The following RBFOX1 variants were observed in gnomAD, a reference collection of about 807,000 sequenced individuals.
RBFOX1 encodes RNA binding protein fox-1 homolog 1.
Under a neutral mutation model 57.7 loss-of-function variants are expected in RBFOX1, and 8 were observed. The observed-to-expected ratio is 0.14, with a 90% CI of 0.08 to 0.25. The LOEUF is 0.25. Among genes scored for constraint, RBFOX1 ranks in the 10% least tolerant of loss-of-function variants. The pLI is 1.00. For missense variants in RBFOX1, 611 were observed against 548.5 expected, an observed-to-expected ratio of 1.11 and a Z score of -1.14; for synonymous variants, 326 against 222.4, an observed-to-expected ratio of 1.47 and a Z score of -4.15.
chr16:5,959,537 A>G lies in RBFOX1; in HGVS notation c.351+92202A>G, dbSNP rs9929507. On this transcript the variant is annotated intron_variant, in intron 4 of 19. Transcript: ENST00000641259. Reference sequence around the variant, plus strand: ...TGGGGTAAGAAAAAAGGAAATTTGTATAAAAGTCCAAAACAGAATTTCTTT... The same window carrying G: ...TGGGGTAAGAAAAAAGGAAATTTGTGTAAAAGTCCAAAACAGAATTTCTTT... Among the ~76,000 whole-genome samples, 833 of 152,336 alleles carry G rather than the reference A, an allele frequency of 5.5e-3. 5 individuals are homozygous for G. Among genetic ancestry groups the G allele is most frequent in the African/African-American group, 0.018 (748 of 41,572 alleles).
chr16:6,265,567 G>T (rs1184305467), intron 1 of RBFOX1, among the ~76,000 whole-genome samples: 2 of 152,124 alleles, frequency 1.3e-5, no homozygotes, highest in African/African-American at 4.8e-5. Flanking sequence ...CGGCCAGTTT[G>T]ACATTTTGCA....
intron 4 of RBFOX1, among the ~76,000 whole-genome samples, chr16:7,464,115 T>C (rs1049957515): frequency 1.3e-5 from 2 of 152,142 alleles, no homozygotes; most frequent in Non-Finnish European, 1.5e-5. Flanking sequence ...ACATTGCCAC[T>C]CCCTTCTGGT....
intron 4 of RBFOX1, among the ~76,000 whole-genome samples, chr16:7,198,831 T>C (rs2087490465): frequency 6.6e-6 from 1 of 152,182 alleles, no homozygotes; most frequent in Non-Finnish European, 1.5e-5. Flanking sequence ...CACATGGACT[T>C]TGGGGGACAC....
intron 4 of RBFOX1, among the ~76,000 whole-genome samples, chr16:7,346,521 C>G (rs897299435): frequency 6.6e-6 from 1 of 151,966 alleles, no homozygotes; most frequent in African/African-American, 2.4e-5. Flanking sequence ...CTCCCAAGCA[C>G]AGATGTTACC....
chr16:6,641,344 G>A (rs908305029), intron 2 of RBFOX1, among the ~76,000 whole-genome samples: 3 of 152,014 alleles, frequency 2.0e-5, no homozygotes, highest in African/African-American at 7.2e-5. Context: ...CCCTCCCAAC[G>A]CTGACATCTG....
intron 4 of RBFOX1, among the ~76,000 whole-genome samples, chr16:5,970,987 C>G (rs983913050): frequency 3.9e-5 from 6 of 152,226 alleles, no homozygotes; most frequent in African/African-American, 1.4e-4. Flanking sequence ...TCTCATTCCA[C>G]AAGGAGACAT....
intron 3 of RBFOX1, among the ~76,000 whole-genome samples, chr16:5,678,609 G>C (rs541173590): frequency 6.6e-6 from 1 of 152,264 alleles, no homozygotes; most frequent in South Asian, 2.1e-4. Context: ...CTGGGTGCTT[G>C]AGCCCGTCCC....
At chr16:7,454,429 C>T (rs2058065788) in intron 4 of RBFOX1, among the ~76,000 whole-genome samples, 1 of 152,194 alleles carries the variant, frequency 6.6e-6, no homozygotes, top group Non-Finnish European at 1.5e-5. Flanking sequence ...AAGTCAAACT[C>T]GTGTTCTAGC....
chr16:7,330,263 T>A (rs2096666930), intron 4 of RBFOX1, among the ~76,000 whole-genome samples: 1 of 152,122 alleles, frequency 6.6e-6, no homozygotes, highest in Non-Finnish European at 1.5e-5. Flanking sequence ...ACATATTAAA[T>A]CGTCTTTAGA....
At chr16:7,387,101 G>A (rs1430608386) in intron 4 of RBFOX1, among the ~76,000 whole-genome samples, 1 of 151,976 alleles carries the variant, frequency 6.6e-6, no homozygotes, top group Non-Finnish European at 1.5e-5. Flanking sequence ...TTTGTTTAAT[G>A]TATTTGTAGA....
At chr16:5,768,645 A>G (rs546930233) in intron 3 of RBFOX1, among the ~76,000 whole-genome samples, 3 of 152,254 alleles carry the variant, frequency 2.0e-5, no homozygotes, top group Admixed American at 2.0e-4. Flanking sequence ...TCTTCTGTGC[A>G]TTCCTCTTGC....
intron 2 of RBFOX1, among the ~76,000 whole-genome samples, chr16:6,321,622 C>T (rs947697049): frequency 1.3e-5 from 2 of 152,158 alleles, no homozygotes; most frequent in African/African-American, 2.4e-5. Context: ...ATTTCCATGG[C>T]ATCTACTGTA....
chr16:7,233,260 T>A (rs1198981272), intron 4 of RBFOX1, among the ~76,000 whole-genome samples: 1 of 152,070 alleles, frequency 6.6e-6, no homozygotes, highest in Non-Finnish European at 1.5e-5. Flanking sequence ...CTTTGACTGT[T>A]TCTAAGCTGG....
At chr16:5,795,048 G>A (rs1334316074) in intron 3 of RBFOX1, among the ~76,000 whole-genome samples, 4 of 152,118 alleles carry the variant, frequency 2.6e-5, no homozygotes, top group African/African-American at 9.7e-5. Flanking sequence ...TATGACTTTG[G>A]CCAAGCTGCT....
intron 3 of RBFOX1, among the ~76,000 whole-genome samples, chr16:5,641,055 T>A (rs1279201769): frequency 7.7e-6 from 1 of 130,716 alleles, no homozygotes; most frequent in African/African-American, 3.0e-5. Flanking sequence ...CATATGCACA[T>A]ACACCCATGC....
At chr16:5,542,837 A>C (rs60261880) in intron 2 of RBFOX1, among the ~76,000 whole-genome samples, 1 of 152,054 alleles carries the variant, frequency 6.6e-6, no homozygotes, top group Non-Finnish European at 1.5e-5. Context: ...CTAAGGTTCA[A>C]TGTCCACTCA....
In RBFOX1 at chr16:6,526,857, A is replaced by AAAAAAAC. The variant is rs1567560941; in HGVS notation, c.-63-127744_-63-127743insAAAACAA. On this transcript the variant is annotated intron_variant, in intron 2 of 15. Transcript: ENST00000550418. ...AAAAAAAAAAAAAAAAAAAAAAAAA[A>AAAAAAAC]AACAACCAGAAAAACAGAAATACTC... Among the ~76,000 whole-genome samples the AAAAAAAC allele has an allele frequency of 1.2e-3, 154 of 130,400 alleles. 4 individuals carry two copies. Among genetic ancestry groups the AAAAAAAC allele is most frequent in the African/African-American group, 5.2e-3 (142 of 27,466 alleles). The allele number at this position is 130,400 out of a possible 152,430, so 85.5% of individuals were successfully genotyped here.
At chr16:5,629,486 A>C (rs1035961403) in intron 3 of RBFOX1, among the ~76,000 whole-genome samples, 3 of 152,232 alleles carry the variant, frequency 2.0e-5, no homozygotes, top group Non-Finnish European at 4.4e-5. Context: ...GCCACTGCCC[A>C]AAGAGGGCTT....
At chr16:5,489,127 C>A (rs1196942249) in intron 2 of RBFOX1, among the ~76,000 whole-genome samples, 1 of 152,204 alleles carries the variant, frequency 6.6e-6, no homozygotes. Flanking sequence ...TTGCCTGACA[C>A]TAAGTCTCTG....
Sources: allele counts gnomAD v4.1 joint callset (sites outside exome capture counted in the v4.1 genomes callset), GRCh38; gene constraint gnomAD v4.1.1; transcripts MANE v1.5; gene names NCBI Gene and HGNC (gene_info 2026-07-23, HGNC 2026-07-21).